OTOG: variants seen among roughly 807,000 people sequenced by gnomAD.
OTOG encodes the protein otogelin.
A neutral mutation model predicts 313.8 loss-of-function variants in OTOG; 296 were observed. The observed-to-expected ratio is 0.94, with a 90% CI of 0.86 to 1.04. OTOG has a LOEUF of 1.04. OTOG is among the 50% of genes least tolerant of loss of function. The probability of loss-of-function intolerance (pLI) is 0.00; values close to 1 mark genes in which losing one functional copy is unlikely to be tolerated. For missense variants in OTOG, 3,948 were observed against 3,840.1 expected, an observed-to-expected ratio of 1.03 and a Z score of -0.74; for synonymous variants, 1,533 against 1,554.9, an observed-to-expected ratio of 0.99 and a Z score of 0.33.
chr11:17,566,192 A>G (rs577731452), intron 15 of OTOG, among the ~76,000 whole-genome samples: 1 of 152,338 alleles, frequency 6.6e-6, no homozygotes, highest in East Asian at 1.9e-4. Flanking sequence ...GTAACATGGT[A>G]TATAGTATTT....
Position 17,560,937 on chromosome 11 carries a change from C to T in OTOG, c.1451+120C>T, listed in dbSNP as rs537435915. 4.0e-5 allele frequency: 47 copies of T among 1,175,036 alleles called. No homozygotes were observed. In the South Asian group the frequency reaches 6.3e-4, roughly 16 times the overall value. 72.8% of individuals were successfully genotyped at this position (1,175,036 alleles called of 1,614,324 possible). A position where few individuals can be genotyped will look rare whatever the true frequency, so the allele number is the denominator to read the frequency against. ...GGGCACTCACTCAGTACCTTTGAGT[C>T]CCAGGGGAGTCTCATTAGATCCAAT... On this transcript the variant is annotated intron_variant, in intron 13 of 55. Transcript: ENST00000399397.
Position 17,609,882 on chromosome 11 carries a change from A to T in OTOG, c.4582A>T (p.Thr1528Ser), listed in dbSNP as rs747022159. The change falls in exon 36 of 56, where the codon ACC becomes TCC. Residue 1528 changes from threonine to serine, a missense_variant. Transcript: ENST00000399397. The part of the protein sequence containing the change: ...EPVVSPGPTQ[T>S]TLQQPLELTA... ...AGTGGTGTCTCCAGGCCCCACCCAG[A>T]CCACCCTGCAGCAGCCACTGGAGCT... 23 of 1,512,248 alleles carry T rather than the reference A, an allele frequency of 1.5e-5. No individual in the cohort carries two copies. The African/African-American group carries it at 2.6e-4, about 17-fold the overall frequency. The allele number at this position is 1,512,248 out of a possible 1,614,324, so 93.7% of individuals were successfully genotyped here.
chr11:17,559,220 G>A, intron 11 of OTOG, 59 bp downstream of exon 11: 1 of 1,263,496 alleles, frequency 7.9e-7, no homozygotes, highest in Non-Finnish European at 1.1e-6. Context: ...GCATTCTCAG[G>A]CCTCAGCTCA....
chr11:17,547,497 G>A, intron 1 of OTOG, 31 bp downstream of exon 1: 2 of 1,330,518 alleles, frequency 1.5e-6, no homozygotes, highest in Non-Finnish European at 1.9e-6. Flanking sequence ...GGGAGGTCGG[G>A]GGCTCGAGGA....
intron 13 of OTOG, 113 bp from the exon 14 acceptor site, chr11:17,560,978 C>T (rs1852168965): frequency 7.6e-7 from 1 of 1,321,026 alleles, no homozygotes; most frequent in African/African-American, 1.5e-5. Context: ...GGGGAAATCT[C>T]TACCACCCAT....
intron 25 of OTOG, among the ~76,000 whole-genome samples, 187 bp from the exon 26 acceptor site, chr11:17,593,006 C>T (rs778818362): frequency 6.6e-6 from 1 of 152,186 alleles, no homozygotes; most frequent in Non-Finnish European, 1.5e-5. Flanking sequence ...ATGTTAAACA[C>T]CGCACTAGGC....
chr11:17,611,801 C>A (rs1220798969), intron 36 of OTOG, among the ~76,000 whole-genome samples: 2 of 145,654 alleles, frequency 1.4e-5, no homozygotes, highest in Admixed American at 6.8e-5. Context: ...CATCTTTGTG[C>A]CTTTGTGAGA....
At chr11:17,637,714 A>T (rs1267947197) in intron 47 of OTOG, among the ~76,000 whole-genome samples, 2 of 152,100 alleles carry the variant, frequency 1.3e-5, no homozygotes, top group Non-Finnish European at 2.9e-5. Flanking sequence ...TCCATCTTAC[A>T]TTTTTCCTCT....
At chr11:17,553,756 G>C (rs1194632524) in intron 6 of OTOG, among the ~76,000 whole-genome samples, 1 of 152,208 alleles carries the variant, frequency 6.6e-6, no homozygotes, top group Non-Finnish European at 1.5e-5. Context: ...TATTTACTAA[G>C]TGCATACTGT....
At chr11:17,582,742 C>A (rs1468879866) in intron 23 of OTOG, among the ~76,000 whole-genome samples, 1 of 152,108 alleles carries the variant, frequency 6.6e-6, no homozygotes, top group African/African-American at 2.4e-5. Flanking sequence ...TACTTATTGG[C>A]CATTCGTGTA....
intron 39 of OTOG, among the ~76,000 whole-genome samples, chr11:17,616,565 T>C (rs1345872982): frequency 6.6e-6 from 1 of 152,182 alleles, no homozygotes; most frequent in Admixed American, 6.5e-5. Flanking sequence ...TTGTGTTTTG[T>C]AGTTTTTAGT....
intron 44 of OTOG, 72 bp from the exon 45 acceptor site, chr11:17,634,772 C>A: frequency 7.6e-7 from 1 of 1,320,014 alleles, no homozygotes; most frequent in Non-Finnish European, 1.1e-6. Flanking sequence ...GGCAGTTGTC[C>A]AGTGTTCTCC....
intron 40 of OTOG, among the ~76,000 whole-genome samples, chr11:17,629,937 C>G (rs913336081): frequency 6.6e-6 from 1 of 152,090 alleles, no homozygotes; most frequent in Admixed American, 6.6e-5. Context: ...CCGTGACAGA[C>G]TACCATGATT....
In OTOG at chr11:17,634,174, C is replaced by T. The variant is rs971510546; in HGVS notation, c.7373C>T (p.Pro2458Leu). Residue 2458 changes from proline (P) to leucine (L), a missense_variant, in exon 44 of 56, where the codon CCG (proline) becomes CTG (leucine). By Grantham distance (98) the Pro-to-Leu change is moderately conservative (BLOSUM62 -3). Transcript: ENST00000399397. ...HQCQAPDTIV[P>L]VDLGCPSPRP... ...TGCCAAGCCCCAGACACCATTGTCC[C>T]GGTGGATCTGGGCTGCCCCAGTCCC... is the stretch of plus-strand genomic sequence containing the variant. 16 of 1,550,148 alleles carry T rather than the reference C, an allele frequency of 1.0e-5. No individual in the cohort carries two copies. Among genetic ancestry groups the T allele is most frequent in the South Asian group, 5.9e-5 (5 of 84,038 alleles).
intron 31 of OTOG, among the ~76,000 whole-genome samples, chr11:17,601,718 A>G (rs1257848342): frequency 6.6e-6 from 1 of 152,152 alleles, no homozygotes; most frequent in Admixed American, 6.5e-5. Flanking sequence ...CTCTGTGCCA[A>G]CCTATACTGA....
At chr11:17,552,461 C>A (rs1851956500) in intron 4 of OTOG, among the ~76,000 whole-genome samples, 1 of 147,958 alleles carries the variant, frequency 6.8e-6, no homozygotes, top group Non-Finnish European at 1.5e-5. Flanking sequence ...TGTCCTGTGT[C>A]CATGGTCCCC....
Position 17,632,155 on chromosome 11 carries a change from C to A in OTOG, c.7001C>A (p.Ala2334Asp). Reference sequence around the variant, plus strand: ...AAGTACGTGCAGCAGCCCTGCGTGGCCCTGACTGTGTACGTGGCCATGTGC... The same window carrying A: ...AAGTACGTGCAGCAGCCCTGCGTGGACCTGACTGTGTACGTGGCCATGTGC... The part of the protein sequence containing the change: ...DTKYVQQPCV[A>D]LTVYVAMCHK... The change falls in exon 42 of 56, where the codon GCC (alanine) becomes GAC (aspartate). Residue 2334 changes from alanine (A) to aspartate (D), a missense_variant. Transcript: ENST00000399397. 6.4e-7 allele frequency: 1 copy of A among 1,551,096 alleles called. No homozygotes were observed. The highest frequency in any genetic ancestry group is 8.7e-7 in the Non-Finnish European group (1 of 1,147,016).
At chr11:17,594,443 G>C (rs904092962) in intron 28 of OTOG, among the ~76,000 whole-genome samples, 1 of 152,218 alleles carries the variant, frequency 6.6e-6, no homozygotes, top group African/African-American at 2.4e-5. Flanking sequence ...TCCCAGGAGA[G>C]ATGGTCACTC....
intron 39 of OTOG, among the ~76,000 whole-genome samples, chr11:17,621,852 T>C (rs1233304211): frequency 6.6e-6 from 1 of 152,218 alleles, no homozygotes; most frequent in African/African-American, 2.4e-5. Flanking sequence ...TGTTGTTTTA[T>C]ATATTTTGTC....
Sources: gnomAD v4.1 joint callset for allele counts (sites outside exome capture counted in the v4.1 genomes callset) on GRCh38, gnomAD v4.1.1 for gene constraint, MANE v1.5 for transcripts, NCBI Gene and HGNC (gene_info 2026-07-23, HGNC 2026-07-21) for gene names.